PABIR3: variants seen among roughly 807,000 people sequenced by gnomAD.
The protein encoded by PABIR3 is PABIR family member 1.
In PABIR3, 20 loss-of-function variants were observed where a neutral mutation model predicts 23.1. That is an observed-to-expected ratio of 0.86 (90% CI 0.61 to 1.26). PABIR3 has a LOEUF of 1.26. Ranked by LOEUF, PABIR3 falls within the 50% of genes most tolerant of loss-of-function variation. PABIR3 has a pLI of 0.00. For missense variants in PABIR3, 189 were observed against 195.4 expected, an observed-to-expected ratio of 0.97 and a Z score of 0.20; for synonymous variants, 69 against 68.5, an observed-to-expected ratio of 1.01 and a Z score of -0.04.
intron 3 of PABIR3, among the ~76,000 whole-genome samples, chrX:134,828,067 A>G (rs1397680567): frequency 9.9e-6 from 1 of 100,654 alleles, no homozygotes; most frequent in Non-Finnish European, 2.0e-5. Context: ...ATATATATAT[A>G]TATGTATATT....
intron 4 of PABIR3, among the ~76,000 whole-genome samples, chrX:134,843,681 C>T (rs1181939158): frequency 1.9e-5 from 2 of 106,243 alleles, no homozygotes; most frequent in African/African-American, 6.9e-5. Context: ...AATTCTCCTG[C>T]CTCAGCCTCC....
Position 134,822,428 on chromosome X carries a change from A to G in PABIR3, c.190-6798A>G, listed in dbSNP as rs927178483. On this transcript the variant is annotated intron_variant, in intron 3 of 10. Coordinates refer to ENST00000645433, the MANE Select transcript of PABIR3 (RefSeq NM_001388447.1). ...CAAGATTTGATCCACATTTTGTCCA[A>G]TTAAAAAATTCTTGTAGCTTATGAT... 5.2e-5 allele frequency: 39 copies of G among 750,325 alleles called. No homozygotes were observed. The African/African-American group carries it at 8.8e-4, about 17-fold the overall frequency. 61.8% of individuals were successfully genotyped at this position (750,325 alleles called of 1,213,427 possible).
intron 1 of PABIR3, among the ~76,000 whole-genome samples, chrX:134,800,335 C>T (rs1417303347): frequency 9.2e-6 from 1 of 109,075 alleles, no homozygotes; most frequent in Non-Finnish European, 1.9e-5. Context: ...TGGTGGCATG[C>T]GCCTGTAAAT....
At chrX:134,839,721 C>T (rs1177113768) in intron 4 of PABIR3, 1 of 112,775 alleles carries the variant, frequency 8.9e-6, no homozygotes, top group African/African-American at 3.4e-5. Flanking sequence ...CCAGCCGCCC[C>T]GTCCGGGAGG....
chrX:134,855,419 G>A (rs1234764970), downstream of PABIR3, among the ~76,000 whole-genome samples: 1 of 109,204 alleles, frequency 9.2e-6, no homozygotes, highest in Non-Finnish European at 1.9e-5. Flanking sequence ...GGGCAACAGA[G>A]CAAGACTCTG....
chrX:134,821,692 C>G (rs766951524), intron 3 of PABIR3: 1 of 1,022,984 alleles, frequency 9.8e-7, no homozygotes, highest in South Asian at 2.2e-5. Context: ...AGTGTATGGC[C>G]CACAAAGTTG....
chrX:134,845,133 C>T (rs1351715140), intron 4 of PABIR3, 72 bp from the exon 5 acceptor site: 9 of 850,858 alleles, frequency 1.1e-5, no homozygotes, highest in Non-Finnish European at 1.4e-5. Flanking sequence ...ATGGTGCATC[C>T]AAATGAAATC....
intron 3 of PABIR3, chrX:134,821,882 A>G (rs1477943437): frequency 3.9e-6 from 3 of 765,280 alleles, no homozygotes; most frequent in Non-Finnish European, 4.7e-6. Context: ...TCTAGTTACT[A>G]TAGTAGGAAA....
chrX:134,857,346 TTCTC>T (rs1384891576), downstream of PABIR3, among the ~76,000 whole-genome samples: 30 of 110,815 alleles, frequency 2.7e-4, no homozygotes, highest in Non-Finnish European at 5.3e-4. Flanking sequence ...AATCCTGTGA[TTCTC>T]TCTGTGTCCT....
intron 2 of PABIR3, chrX:134,810,755 C>T: frequency 1.3e-6 from 1 of 752,697 alleles, no homozygotes; most frequent in East Asian, 1.5e-4. Flanking sequence ...CTAAACTATA[C>T]CTGGCCAGTA....
At chrX:134,816,513 G>T (rs1053054321) in intron 3 of PABIR3, among the ~76,000 whole-genome samples, 5 of 111,038 alleles carry the variant, frequency 4.5e-5, no homozygotes, top group African/African-American at 1.6e-4. Flanking sequence ...GTAGAGACGG[G>T]GTTTCATCAT....
At position 134,854,393 on chromosome X, in the gene PABIR3, C is replaced by T. The variant is rs375978368; in HGVS notation, c.*176C>T. On this transcript the variant is annotated 3_prime_UTR_variant, in exon 11 of 11. Coordinates refer to ENST00000645433, the MANE Select transcript of PABIR3 (RefSeq NM_001388447.1). ...AAATTCTATTTATCTACAGAACTTG[C>T]GTGTATAATTCTTGTGTACATCCTT... 3.8e-5 allele frequency: 17 copies of T among 448,088 alleles called. No individual in the cohort carries two copies. The South Asian group carries it at 7.5e-4, about 20-fold the overall frequency. The allele number at this position is 448,088 out of a possible 1,213,427, so 36.9% of individuals were successfully genotyped here.
chrX:134,812,846 T>C (rs2080752101), intron 2 of PABIR3, among the ~76,000 whole-genome samples: 1 of 111,919 alleles, frequency 8.9e-6, no homozygotes, highest in Admixed American at 9.5e-5. Context: ...TCCAGAGAAC[T>C]GAATGGTCCA....
upstream of PABIR3, among the ~76,000 whole-genome samples, chrX:134,806,223 A>T (rs1399769951): frequency 8.9e-6 from 1 of 112,607 alleles, no homozygotes; most frequent in Non-Finnish European, 1.9e-5. Context: ...ATTTGTTTTT[A>T]AAAAAGCCTC....
chrX:134,818,934 C>CTT (rs1216993828), intron 3 of PABIR3, among the ~76,000 whole-genome samples: 66 of 77,055 alleles, frequency 8.6e-4, no homozygotes, highest in Non-Finnish European at 1.1e-3. Context: ...TTTTTTCTTT[C>CTT]TTTTTTTTTT....
chrX:134,801,871 T>C (rs1206238346), intron 1 of PABIR3, among the ~76,000 whole-genome samples: 2 of 109,197 alleles, frequency 1.8e-5, no homozygotes, highest in African/African-American at 6.7e-5. Flanking sequence ...TTTTTTAATC[T>C]GAGGGTTACA....
chrX:134,800,421 A>C (rs890836026), intron 1 of PABIR3, among the ~76,000 whole-genome samples: 1 of 111,218 alleles, frequency 9.0e-6, no homozygotes, highest in Non-Finnish European at 1.9e-5. Context: ...AGATCACGCC[A>C]CTGCACTCAG....
At chrX:134,810,955 T>C in intron 2 of PABIR3, 2 of 754,407 alleles carry the variant, frequency 2.7e-6, no homozygotes, top group Non-Finnish European at 3.1e-6. Flanking sequence ...TTTGTGCTGT[T>C]GTAGAAAATA....
chrX:134,834,911 T>C (rs929622547), intron 4 of PABIR3, among the ~76,000 whole-genome samples: 5 of 111,955 alleles, frequency 4.5e-5, no homozygotes, highest in Non-Finnish European at 9.4e-5. Flanking sequence ...AACAGCATTT[T>C]CTGCCTGTTT....
Sources: gnomAD v4.1 joint callset for allele counts (sites outside exome capture counted in the v4.1 genomes callset) on GRCh38, gnomAD v4.1.1 for gene constraint, MANE v1.5 for transcripts, NCBI Gene and HGNC (gene_info 2026-07-23, HGNC 2026-07-21) for gene names.